The following NEGR1 variants were observed in gnomAD, a reference collection of about 807,000 sequenced individuals.
NEGR1 encodes IgLON family member 4.
Under a neutral mutation model 40.9 loss-of-function variants are expected in NEGR1, and 10 were observed. That is an observed-to-expected ratio of 0.24 (90% CI 0.15 to 0.42). The LOEUF (loss-of-function observed/expected upper bound fraction) is 0.42, where lower values mean the gene tolerates loss of function less well. NEGR1 is among the 10% of genes least tolerant of loss of function. The pLI is 1.00. For synonymous variants in NEGR1, 185 were observed against 166.8 expected, an observed-to-expected ratio of 1.11 and a Z score of -0.84; for missense variants, 352 against 438.9, an observed-to-expected ratio of 0.80 and a Z score of 1.77.
At chr1:72,022,143 A>C (rs1161893250) in intron 1 of NEGR1, among the ~76,000 whole-genome samples, 1 of 151,750 alleles carries the variant, frequency 6.6e-6, no homozygotes, top group African/African-American at 2.4e-5. Flanking sequence ...TCAGAAAAAT[A>C]AAAATAAAAA....
At chr1:71,767,089 G>A (rs182601769) in intron 3 of NEGR1, among the ~76,000 whole-genome samples, 78 of 152,216 alleles carry the variant, frequency 5.1e-4, no homozygotes, top group Non-Finnish European at 1.0e-3. Context: ...GACTAATATA[G>A]AAAATTGGTA....
At position 71,912,196 on chromosome 1, in the gene NEGR1, TG is replaced by T. The variant is rs561625747; in HGVS notation, c.409+22882del. 7.3e-4 allele frequency among the ~76,000 whole-genome samples: 111 copies of T among 152,292 alleles called. 1 individual carries two copies. The highest frequency in any genetic ancestry group is 2.6e-3 in the African/African-American group (106 of 41,556). On this transcript the variant is annotated intron_variant, in intron 2 of 6. Transcript: ENST00000357731. Reference sequence around the variant, plus strand: ...GTGTGGGCAGGGCTGCTTTCTTTTGTGGGGACTGTAGGAGAGAATGCACTTT... The same window carrying T: ...GTGTGGGCAGGGCTGCTTTCTTTTGTGGGACTGTAGGAGAGAATGCACTTT...
Position 71,684,645 on chromosome 1 carries a change from T to C in NEGR1, c.667+13363A>G, listed in dbSNP as rs139733251. ...TCTTTCGAGAATAATCTCCCTGCCC[T>C]GTGTGGCCATTCCAATGAGAGGAAG... On this transcript the variant is annotated intron_variant, in intron 4 of 6. Transcript: ENST00000357731. 2.6e-3 allele frequency among the ~76,000 whole-genome samples: 403 copies of C among 152,306 alleles called. 2 individuals are homozygous for C. Among genetic ancestry groups the C allele is most frequent in the African/African-American group, 8.9e-3 (372 of 41,578 alleles).
At chr1:71,661,626 T>C (rs1488515403) in intron 4 of NEGR1, among the ~76,000 whole-genome samples, 1 of 152,208 alleles carries the variant, frequency 6.6e-6, no homozygotes, top group African/African-American at 2.4e-5. Context: ...TGACCCCCGT[T>C]ACAAATAAAA....
At chr1:71,782,171 T>C (rs1052530628) in intron 2 of NEGR1, among the ~76,000 whole-genome samples, 1 of 152,102 alleles carries the variant, frequency 6.6e-6, no homozygotes, top group Admixed American at 6.6e-5. Flanking sequence ...GATTAGATCA[T>C]GAAGGGATTA....
intron 1 of NEGR1, among the ~76,000 whole-genome samples, chr1:72,028,629 CACTGAT>C (rs1395452716): frequency 8.5e-5 from 13 of 152,228 alleles, no homozygotes; most frequent in African/African-American, 2.9e-4. Flanking sequence ...TCCTTGTACA[CACTGAT>C]ACCTTTACCT....
rs555486161 is a variant in NEGR1 at position 71,771,250 on chromosome 1, C to T, written c.535+4922G>A. On this transcript the variant is annotated intron_variant, in intron 3 of 6. Coordinates refer to ENST00000357731, the MANE Select transcript of NEGR1 (RefSeq NM_173808.3). ...TCACTCATAAGTGGGAGTTGAACAACGAGAACATGGACACAGGGAGGGGAG... is the reference window on the plus strand; with the variant it reads ...TCACTCATAAGTGGGAGTTGAACAATGAGAACATGGACACAGGGAGGGGAG... 1.1e-4 allele frequency among the ~76,000 whole-genome samples: 17 copies of T among 152,110 alleles called. No homozygotes were observed. In the East Asian group the frequency reaches 1.2e-3, roughly 10 times the overall value.
chr1:72,013,963 T>TAAAAAAAAA (rs1161156816), intron 1 of NEGR1, among the ~76,000 whole-genome samples: 1 of 88,452 alleles, frequency 1.1e-5, no homozygotes, highest in African/African-American at 4.4e-5. Context: ...CTGTGAAAAA[T>TAAAAAAAAA]AAAAAAAAAA....
At chr1:71,906,868 C>G (rs1447068226) in intron 2 of NEGR1, among the ~76,000 whole-genome samples, 1 of 152,116 alleles carries the variant, frequency 6.6e-6, no homozygotes, top group Admixed American at 6.6e-5. Flanking sequence ...AGCACTTAAC[C>G]TAGCCTGAGG....
At chr1:72,169,648 T>C (rs1281787782) in intron 1 of NEGR1, among the ~76,000 whole-genome samples, 3 of 152,162 alleles carry the variant, frequency 2.0e-5, no homozygotes, top group Non-Finnish European at 2.9e-5. Context: ...CAAATAGTGC[T>C]TTTTCTGAAA....
chr1:71,718,744 G>GA (rs1166095696), intron 3 of NEGR1, among the ~76,000 whole-genome samples: 1 of 151,904 alleles, frequency 6.6e-6, no homozygotes, highest in Non-Finnish European at 1.5e-5. Flanking sequence ...TTTTTCTCTA[G>GA]AAAAAAATTA....
At chr1:71,763,010 C>A (rs1301020839) in intron 3 of NEGR1, among the ~76,000 whole-genome samples, 1 of 150,650 alleles carries the variant, frequency 6.6e-6, no homozygotes, top group Non-Finnish European at 1.5e-5. Context: ...GAAGGAAGAA[C>A]AAAAATGCTA....
chr1:72,066,851 G>A (rs114509423), intron 1 of NEGR1, among the ~76,000 whole-genome samples: 616 of 152,156 alleles, frequency 4.0e-3, no homozygotes, highest in African/African-American at 0.014. Context: ...CACTGACCGA[G>A]TCAAAAATTT....
intron 1 of NEGR1, among the ~76,000 whole-genome samples, chr1:72,009,381 C>T (rs933769372): frequency 1.2e-4 from 19 of 152,204 alleles, no homozygotes; most frequent in African/African-American, 4.6e-4. Flanking sequence ...CATATGGAAA[C>T]TTACGCAATA....
At chr1:72,025,919 G>A (rs61767485) in intron 1 of NEGR1, among the ~76,000 whole-genome samples, 14,749 of 151,092 alleles carry the variant, frequency 0.098, 806 homozygotes, top group Middle Eastern at 0.17. Flanking sequence ...AGATCATCCC[G>A]GCTAAAACGG....
chr1:71,588,949 A>G (rs1478648773), intron 6 of NEGR1, among the ~76,000 whole-genome samples: 3 of 152,138 alleles, frequency 2.0e-5, no homozygotes, highest in African/African-American at 4.8e-5. Context: ...GCTAGACATA[A>G]AGGCATAACA....
At chr1:71,857,626 CAAAAAAAAAAAAA>C (rs59343025) in intron 2 of NEGR1, among the ~76,000 whole-genome samples, 9 of 53,432 alleles carry the variant, frequency 1.7e-4, no homozygotes, top group African/African-American at 3.0e-4. Flanking sequence ...GATCCTGTCT[CAAAAAAAAAAAAA>C]AAAAAAAAAA....
At chr1:71,691,480 G>T (rs1282810252) in intron 4 of NEGR1, among the ~76,000 whole-genome samples, 3 of 151,038 alleles carry the variant, frequency 2.0e-5, no homozygotes, top group Admixed American at 6.6e-5. Flanking sequence ...TATCTCTTTT[G>T]GTTGGCATTG....
At chr1:72,020,261 T>C (rs1646745175) in intron 1 of NEGR1, among the ~76,000 whole-genome samples, 1 of 152,154 alleles carries the variant, frequency 6.6e-6, no homozygotes, top group African/African-American at 2.4e-5. Flanking sequence ...AGGTAAATCC[T>C]GAACACTTGC....
Sources: gnomAD v4.1 joint callset for allele counts (sites outside exome capture counted in the v4.1 genomes callset) on GRCh38, gnomAD v4.1.1 for gene constraint, MANE v1.5 for transcripts, NCBI Gene and HGNC (gene_info 2026-07-23, HGNC 2026-07-21) for gene names.